INSYN2B: variants seen among roughly 807,000 people sequenced by gnomAD.
INSYN2B encodes inhibitory synaptic factor family member 2B.
Under a neutral mutation model 41.2 loss-of-function variants are expected in INSYN2B, and 16 were observed. The observed-to-expected ratio is 0.39, with a 90% CI of 0.26 to 0.59. The LOEUF is 0.59. INSYN2B is among the 20% of genes least tolerant of loss of function. The probability of loss-of-function intolerance (pLI) is 0.57; values close to 1 mark genes in which losing one functional copy is unlikely to be tolerated. For missense variants in INSYN2B, 608 were observed against 646.4 expected (o/e 0.94, Z 0.64); for synonymous variants, 245 against 244.4 (o/e 1.00, Z -0.02).
intron 1 of INSYN2B, among the ~76,000 whole-genome samples, chr5:169,961,309 A>T (rs1777076723): frequency 1.3e-5 from 2 of 152,236 alleles, no homozygotes; most frequent in Non-Finnish European, 2.9e-5. Context: ...ATTAAGATGA[A>T]TGGAATATAA....
chr5:169,954,309 A>C (rs1234798088), intron 1 of INSYN2B, among the ~76,000 whole-genome samples: 1 of 152,264 alleles, frequency 6.6e-6, no homozygotes, highest in Admixed American at 6.5e-5. Context: ...TAAGTGTAAT[A>C]AAATTTTTAT....
At chr5:169,897,628 G>C (rs545220332) in intron 1 of INSYN2B, among the ~76,000 whole-genome samples, 4 of 152,214 alleles carry the variant, frequency 2.6e-5, no homozygotes, top group African/African-American at 4.8e-5. Flanking sequence ...CCATGGTTGA[G>C]AGCCTGGGGA....
chr5:169,951,503 G>T (rs1776663516), intron 1 of INSYN2B, among the ~76,000 whole-genome samples: 1 of 152,162 alleles, frequency 6.6e-6, no homozygotes, highest in Non-Finnish European at 1.5e-5. Context: ...GCTGTGTGCT[G>T]CCTGCTCCAT....
chr5:169,902,343 C>T (rs1773974710), intron 1 of INSYN2B, among the ~76,000 whole-genome samples: 1 of 152,212 alleles, frequency 6.6e-6, no homozygotes, highest in Admixed American at 6.5e-5. Flanking sequence ...ATATGATCCT[C>T]ATGTTCCCAG....
intron 1 of INSYN2B, among the ~76,000 whole-genome samples, chr5:169,912,217 T>G (rs971475550): frequency 1.3e-5 from 2 of 152,146 alleles, no homozygotes; most frequent in Non-Finnish European, 1.5e-5. Context: ...GGCTTTTATT[T>G]ATTTATTATT....
intron 1 of INSYN2B, among the ~76,000 whole-genome samples, chr5:169,890,663 A>C (rs1416903011): frequency 6.6e-6 from 1 of 152,196 alleles, no homozygotes; most frequent in African/African-American, 2.4e-5. Context: ...ACATGGGTTG[A>C]CTTGAGGAAA....
intron 3 of INSYN2B, among the ~76,000 whole-genome samples, chr5:169,870,981 T>C (rs901392809): frequency 6.6e-6 from 1 of 152,180 alleles, no homozygotes; most frequent in African/African-American, 2.4e-5. Context: ...GTTGGGTGTC[T>C]GGTAAGGGCC....
intron 1 of INSYN2B, among the ~76,000 whole-genome samples, chr5:169,945,969 G>C (rs976959974): frequency 2.6e-5 from 4 of 152,120 alleles, no homozygotes; most frequent in African/African-American, 7.2e-5. Flanking sequence ...GGCCAGGCAG[G>C]CTCCAGCCCT....
At chr5:169,959,527 C>G (rs984152115) in intron 1 of INSYN2B, among the ~76,000 whole-genome samples, 1 of 152,108 alleles carries the variant, frequency 6.6e-6, no homozygotes, top group Non-Finnish European at 1.5e-5. Context: ...TAATAGTCCA[C>G]AGGGTGATGG....
chr5:169,953,202 G>A (rs951858637), intron 1 of INSYN2B, among the ~76,000 whole-genome samples: 1 of 151,828 alleles, frequency 6.6e-6, no homozygotes, highest in Non-Finnish European at 1.5e-5. Flanking sequence ...GTGTGGTGGT[G>A]GGTGCCTGTA....
At chr5:169,927,228 G>T (rs180868955) in intron 1 of INSYN2B, among the ~76,000 whole-genome samples, 3 of 152,326 alleles carry the variant, frequency 2.0e-5, no homozygotes, top group Admixed American at 1.3e-4. Flanking sequence ...GAGAAGGGAA[G>T]CAGCTTCAGA....
chr5:169,913,587 G>A (rs1774719820), intron 1 of INSYN2B, among the ~76,000 whole-genome samples: 1 of 152,246 alleles, frequency 6.6e-6, no homozygotes, highest in African/African-American at 2.4e-5. Context: ...TAAACATATT[G>A]AAATTCCCTG....
intron 1 of INSYN2B, among the ~76,000 whole-genome samples, chr5:169,938,390 G>C (rs2113699232): frequency 6.6e-6 from 1 of 152,256 alleles, no homozygotes; most frequent in African/African-American, 2.4e-5. Flanking sequence ...AGCTAGATGA[G>C]AGCCTACCTA....
At chr5:169,962,955 G>A (rs1210498781) in intron 1 of INSYN2B, among the ~76,000 whole-genome samples, 2 of 152,154 alleles carry the variant, frequency 1.3e-5, no homozygotes, top group Non-Finnish European at 2.9e-5. Context: ...GATGGGAAGT[G>A]GAAGGGTAAG....
chr5:169,948,489 A>G (rs539881875), intron 1 of INSYN2B, among the ~76,000 whole-genome samples: 2 of 152,026 alleles, frequency 1.3e-5, no homozygotes, highest in South Asian at 4.2e-4. Flanking sequence ...CTCTATCTGT[A>G]TATCTGACTA....
At chr5:169,958,613 G>A (rs1337470388) in intron 1 of INSYN2B, among the ~76,000 whole-genome samples, 2 of 151,584 alleles carry the variant, frequency 1.3e-5, no homozygotes, top group East Asian at 1.9e-4. Context: ...TTTACAAAAT[G>A]TGGTTTAAAT....
At chr5:169,906,137 C>T (rs937396924) in intron 1 of INSYN2B, among the ~76,000 whole-genome samples, 5 of 152,180 alleles carry the variant, frequency 3.3e-5, no homozygotes, top group African/African-American at 7.2e-5. Context: ...TACATTCATT[C>T]GTGCAGTAAA....
intron 1 of INSYN2B, among the ~76,000 whole-genome samples, chr5:169,933,637 G>C (rs905779524): frequency 1.4e-4 from 22 of 152,158 alleles, no homozygotes; most frequent in African/African-American, 5.3e-4. Context: ...CCTTCCTTGT[G>C]AGGAGTAACA....
chr5:169,875,956 T>A (rs1772306526), intron 3 of INSYN2B: 2 of 152,288 alleles, frequency 1.3e-5, no homozygotes, highest in African/African-American at 4.8e-5. Context: ...ATTTTACTCT[T>A]ACAGTTCTGG....
Sources: gnomAD v4.1 joint callset for allele counts (sites outside exome capture counted in the v4.1 genomes callset) on GRCh38, gnomAD v4.1.1 for gene constraint, MANE v1.5 for transcripts, NCBI Gene and HGNC (gene_info 2026-07-23, HGNC 2026-07-21) for gene names.